OSER1: variants seen among roughly 807,000 people sequenced by gnomAD.
The protein encoded by OSER1 is oxidative stress-responsive serine-rich protein 1.
In OSER1, 15 loss-of-function variants were observed where a neutral mutation model predicts 26.3. The observed-to-expected ratio is 0.57, with a 90% confidence interval of 0.38 to 0.88. OSER1 has a LOEUF of 0.88. Ranked by LOEUF, OSER1 falls within the 40% of genes least tolerant of loss-of-function variation. The pLI is 0.00. For synonymous variants in OSER1, 127 were observed against 128.2 expected, an observed-to-expected ratio of 0.99 and a Z score of 0.07; for missense variants, 313 against 353.9, an observed-to-expected ratio of 0.88 and a Z score of 0.93.
rs750330800 is a variant in OSER1, at chr20:44,197,277, T to G, written c.654A>C (p.Ser218=). Residue 218 remains serine (S), a synonymous_variant, in exon 4 of 4, where the codon TCA becomes TCC. Transcript: ENST00000255174. ...CCAAGGGAGGGACACTCTGCAGGCCTGAAAAGGAATACACTTCCATATCAT... is the reference window on the plus strand; with the variant it reads ...CCAAGGGAGGGACACTCTGCAGGCCGGAAAAGGAATACACTTCCATATCAT... ...RWHDMEVYSF[S]GLQSVPPLAP... is the part of the protein sequence containing the mutation. 3.1e-6 allele frequency: 5 copies of G among 1,614,050 alleles called. No homozygotes were observed. Among genetic ancestry groups the G allele is most frequent in the Non-Finnish European group, 4.2e-6 (5 of 1,179,874 alleles).
At chr20:44,199,408 G>GGT (rs2072957933) in intron 3 of OSER1, among the ~76,000 whole-genome samples, 1 of 152,126 alleles carries the variant, frequency 6.6e-6, no homozygotes, top group Admixed American at 6.5e-5. Flanking sequence ...ATGCAGCAAT[G>GGT]ATACACTCAC....
chr20:44,205,640 G>A (rs997890128), intron 2 of OSER1, among the ~76,000 whole-genome samples: 1 of 152,146 alleles, frequency 6.6e-6, no homozygotes. Context: ...ATAAAGGATG[G>A]TTAAGAGCAG....
rs142644273 is a variant in OSER1, at chr20:44,210,266, C to A, written c.-42+430G>T. ...CCTCGGGAGATTCCTGGGGTCAGAA[C>A]GAGAGGCTGGAGTCGGAGCGAGGCA... On this transcript the variant is annotated intron_variant, in intron 1 of 3. Transcript: ENST00000255174. 6.3e-3 allele frequency among the ~76,000 whole-genome samples: 954 copies of A among 152,128 alleles called. 6 individuals carry two copies. Among genetic ancestry groups the A allele is most frequent in the Non-Finnish European group, 9.6e-3 (656 of 68,000 alleles).
At position 44,197,358 on chromosome 20, in the gene OSER1, T is replaced by G. The variant is rs1350691995; in HGVS notation, c.573A>C (p.Leu191=). 1 of 1,614,280 alleles carries G rather than the reference T, an allele frequency of 6.2e-7. No homozygotes were observed. The highest frequency in any genetic ancestry group is 1.1e-5 in the South Asian group (1 of 91,092). The change falls in exon 4 of 4, where the codon CTA becomes CTC. Residue 191 remains leucine, a synonymous_variant. Coordinates refer to ENST00000255174, the MANE Select transcript of OSER1 (RefSeq NM_016470.8). ...TGCATGTGCATGGCTTGCCCTGGTT[T>G]AGCTTGGAAACTGATTGAAAGTCAG... ...DLSDFQSVSK[L]NQGKPCTCIG... is the part of the protein sequence containing the mutation.
chr20:44,200,215 C>A (rs1377905357), intron 3 of OSER1, among the ~76,000 whole-genome samples: 1 of 152,208 alleles, frequency 6.6e-6, no homozygotes, highest in Non-Finnish European at 1.5e-5. Flanking sequence ...AGACTCCAAC[C>A]AATGCTGGGA....
Position 44,197,490 on chromosome 20 carries a change from A to G in OSER1, c.441T>C (p.Val147=), listed in dbSNP as rs760856576. The part of the protein sequence containing the change: ...SLDANHTGAV[V]EPLRTSVPRL... Reference sequence around the variant, plus strand: ...TTGGAACAGAAGTTCTCAAAGGCTCAACGACTGCCCCTGTGTGATTAGCAT... The same window carrying G: ...TTGGAACAGAAGTTCTCAAAGGCTCGACGACTGCCCCTGTGTGATTAGCAT... Residue 147 remains valine (V), a synonymous_variant, in exon 4 of 4, where the codon GTT becomes GTC. Coordinates refer to ENST00000255174, the MANE Select transcript of OSER1 (RefSeq NM_016470.8). 1 of 1,613,876 alleles carries G rather than the reference A, an allele frequency of 6.2e-7. No individual in the cohort carries two copies.
chr20:44,210,730 C>G lies in OSER1; in HGVS notation c.-76G>C, dbSNP rs1001839146. 2 of 152,338 alleles carry G rather than the reference C, an allele frequency of 1.3e-5. No homozygotes were observed. The highest frequency in any genetic ancestry group is 4.8e-5 in the African/African-American group (2 of 41,462). The allele number at this position is 152,338 out of a possible 1,614,324, so 9.4% of individuals were successfully genotyped here. A position where few individuals can be genotyped will look rare whatever the true frequency, so the allele number is the denominator to read the frequency against. On this transcript the variant is annotated 5_prime_UTR_variant, in exon 1 of 4. Transcript: ENST00000255174. ...GCTGGGACGCTCCGGTGATGCGGGG[C>G]AGTCAGTTCAGAGCGTCTCTCCCAA...
At chr20:44,203,501 T>G (rs1370521360) in intron 2 of OSER1, among the ~76,000 whole-genome samples, 3 of 152,212 alleles carry the variant, frequency 2.0e-5, no homozygotes, top group African/African-American at 7.2e-5. Context: ...AGAAAAATAT[T>G]CTAACTTTTG....
At chr20:44,210,804 C>G (rs753786359), upstream of OSER1, 1 of 152,510 alleles carries the variant, frequency 6.6e-6, no homozygotes, top group Non-Finnish European at 1.5e-5. Context: ...GGGGGCGGCC[C>G]GCGCCTCGGG....
chr20:44,209,135 C>G (rs2073070138), intron 1 of OSER1, among the ~76,000 whole-genome samples: 1 of 152,168 alleles, frequency 6.6e-6, no homozygotes, highest in Non-Finnish European at 1.5e-5. Context: ...ACCATGCTGA[C>G]TTAATAGCAT....
chr20:44,204,863 G>T (rs1236544199), intron 2 of OSER1, among the ~76,000 whole-genome samples: 2 of 151,450 alleles, frequency 1.3e-5, no homozygotes, highest in Non-Finnish European at 2.9e-5. Flanking sequence ...TTTGAGACAG[G>T]GTCTCGCTCT....
Position 44,203,717 on chromosome 20 carries a change from CA to C in OSER1, c.78-644del, listed in dbSNP as rs1286105454. ...TTTCACACACACACACACACACACA[CA>C]CACACACACACACCCCTCCTACTAT... On this transcript the variant is annotated intron_variant, in intron 2 of 3. Transcript: ENST00000255174. Among the ~76,000 whole-genome samples, 431 of 151,938 alleles carry C rather than the reference CA, an allele frequency of 2.8e-3. 4 individuals are homozygous for C. Among genetic ancestry groups the C allele is most frequent in the African/African-American group, 9.7e-3 (404 of 41,438 alleles).
At chr20:44,204,435 C>T (rs956573221) in intron 2 of OSER1, among the ~76,000 whole-genome samples, 1 of 152,068 alleles carries the variant, frequency 6.6e-6, no homozygotes, top group Non-Finnish European at 1.5e-5. Context: ...AAATATTCTC[C>T]TTCCCTTCTT....
At chr20:44,199,087 C>T (rs1423449980) in intron 3 of OSER1, among the ~76,000 whole-genome samples, 1 of 152,204 alleles carries the variant, frequency 6.6e-6, no homozygotes. Context: ...CACAGTATAA[C>T]AGTAGTGATG....
Position 44,197,727 on chromosome 20 carries a change from C to T in OSER1, c.204G>A (p.Lys68=). 6.2e-7 allele frequency: 1 copy of T among 1,611,138 alleles called. No homozygotes were observed. The highest frequency in any genetic ancestry group is 1.1e-5 in the South Asian group (1 of 90,984). The change falls in exon 4 of 4, where the codon AAG becomes AAA. Residue 68 remains lysine, a synonymous_variant. Transcript: ENST00000255174. ...SKDSWHGSTR[K]SSRGAVRTQR... is the part of the protein sequence containing the mutation. ...GAGTTCTCACTGCTCCTCGTGAAGA[C>T]TTCCTTGTAGACCTAAAGAGGAAAA...
At chr20:44,205,099 T>A (rs1272910267) in intron 2 of OSER1, among the ~76,000 whole-genome samples, 1 of 152,152 alleles carries the variant, frequency 6.6e-6, no homozygotes, top group Non-Finnish European at 1.5e-5. Context: ...CCTCCCAAAG[T>A]GCTGGAATTA....
At position 44,197,453 on chromosome 20, in the gene OSER1, C is replaced by T; in HGVS notation, c.478G>A (p.Glu160Lys). ...TCAGAGGAGTCTTCCTTCTTACTCT[C>T]TGATGGGAGCCTTGGAACAGAAGTT... ...LRTSVPRLPS[E>K]SKKEDSSDAT... The change falls in exon 4 of 4, where the codon GAG (glutamate) becomes AAG (lysine). Residue 160 changes from glutamate to lysine, a missense_variant. By Grantham distance (56) the Glu-to-Lys change is moderately conservative (BLOSUM62 1). This residue lies in a region of OSER1 where 300 missense variants were observed against 318.3 expected (regional missense o/e 0.94). Transcript: ENST00000255174. 6.2e-7 allele frequency: 1 copy of T among 1,614,204 alleles called. No individual in the cohort carries two copies. The highest frequency in any genetic ancestry group is 8.5e-7 in the Non-Finnish European group (1 of 1,180,034).
At chr20:44,197,997 T>C (rs553710425) in intron 3 of OSER1, among the ~76,000 whole-genome samples, 97 of 152,274 alleles carry the variant, frequency 6.4e-4, no homozygotes, top group East Asian at 1.9e-4. Flanking sequence ...GGGCCAAACA[T>C]TTGGGACAGA....
chr20:44,197,784 C>T, intron 3 of OSER1, 45 bp from the exon 4 acceptor site: 1 of 1,273,302 alleles, frequency 7.9e-7, no homozygotes. Context: ...GGATATGGAG[C>T]TGTCCTAAAC....
Sources: gnomAD v4.1 joint callset for allele counts (sites outside exome capture counted in the v4.1 genomes callset) on GRCh38, gnomAD v4.1.1 for gene constraint, gnomAD v4.1.1 regional missense constraint, MANE v1.5 for transcripts, NCBI Gene and HGNC (gene_info 2026-07-23, HGNC 2026-07-21) for gene names.